BPTF: variants seen among roughly 807,000 people sequenced by gnomAD.
BPTF encodes nucleosome-remodeling factor subunit BPTF.
In BPTF, 18 loss-of-function variants were observed where a neutral mutation model predicts 292.5. The observed-to-expected ratio is 0.06, with a 90% CI of 0.04 to 0.09. The LOEUF (loss-of-function observed/expected upper bound fraction) is 0.09, where lower values mean the gene tolerates loss of function less well. Ranked by LOEUF, BPTF falls within the 10% of genes least tolerant of loss-of-function variation. BPTF has a pLI of 1.00. For missense variants in BPTF, 2,726 were observed against 3,498.7 expected, an observed-to-expected ratio of 0.78 and a Z score of 5.57; for synonymous variants, 1,225 against 1,251.9, an observed-to-expected ratio of 0.98 and a Z score of 0.45.
chr17:67,903,864 A>C lies in BPTF; in HGVS notation c.2619A>C (p.Glu873Asp). 6.3e-7 allele frequency: 1 copy of C among 1,593,482 alleles called. No individual in the cohort carries two copies. The highest frequency in any genetic ancestry group is 8.5e-7 in the Non-Finnish European group (1 of 1,174,402). The change falls in exon 8 of 28, where the codon GAA (glutamate) becomes GAC (aspartate). Residue 873 changes from glutamate to aspartate, a missense_variant. By Grantham distance (45) the Glu-to-Asp change is conservative (BLOSUM62 2). Around this residue, in one of 22 missense-constraint regions of BPTF, gnomAD observed 99 missense variants for 227.1 expected, o/e 0.44. Transcript: ENST00000306378. ...VKKKEKKQEE[E>D]ETMQQATWVK... is the part of the protein sequence containing the mutation. ...AAAAAGAGAAGAAACAGGAAGAAGA[A>C]GAAACGATGCAGCAAGCGACATGGG... is the stretch of plus-strand genomic sequence containing the variant.
At chr17:67,922,779 C>T in intron 13 of BPTF, 61 bp from the exon 14 acceptor site, 1 of 1,527,584 alleles carries the variant, frequency 6.5e-7, no homozygotes, top group East Asian at 2.3e-5. Flanking sequence ...ATAGAAGATG[C>T]CAGAAGTACT....
chr17:67,914,166 C>T (rs555066800), intron 11 of BPTF, among the ~76,000 whole-genome samples: 1 of 152,236 alleles, frequency 6.6e-6, no homozygotes, highest in African/African-American at 2.4e-5. Context: ...TTCATTTCCC[C>T]TTAGGCTTCG....
intron 1 of BPTF, 38 bp from the exon 2 acceptor site, chr17:67,853,902 T>C (rs754695790): frequency 3.7e-5 from 54 of 1,475,056 alleles, no homozygotes; most frequent in Non-Finnish European, 4.6e-5. Flanking sequence ...AATGATGTAA[T>C]GTATTGATTT....
At chr17:67,910,547 C>G (rs2146894491) in intron 10 of BPTF, among the ~76,000 whole-genome samples, 1 of 152,248 alleles carries the variant, frequency 6.6e-6, no homozygotes, top group African/African-American at 2.4e-5. Flanking sequence ...TGCCTGTAAT[C>G]TCAGCACTTT....
Position 67,854,680 on chromosome 17 carries a change from A to T in BPTF, c.1354A>T (p.Asn452Tyr), listed in dbSNP as rs2058589015. The change falls in exon 2 of 28, where the codon AAT becomes TAT. Residue 452 changes from asparagine to tyrosine, a missense_variant. By Grantham distance (143) the Asn-to-Tyr change is moderately radical (BLOSUM62 -2). This residue lies in a region of BPTF where 22 missense variants were observed against 97.3 expected (regional missense o/e 0.23). Transcript: ENST00000306378. The surrounding 1 kb of genome is among the most constrained non-coding windows in gnomAD (Gnocchi z 5.6). ...VTDCVAEIQK[N>Y]KPYIRHEPIG... ...TGACTGTGTTGCTGAAATCCAAAAA[A>T]ATAAACCATATATTCGACATGAACC... 6.2e-7 allele frequency: 1 copy of T among 1,614,144 alleles called. No individual in the cohort carries two copies. Among genetic ancestry groups the T allele is most frequent in the African/African-American group, 1.3e-5 (1 of 74,938 alleles).
chr17:67,939,795 G>A (rs774492090), intron 18 of BPTF, among the ~76,000 whole-genome samples: 7 of 152,182 alleles, frequency 4.6e-5, no homozygotes, highest in African/African-American at 1.7e-4. Context: ...CAGGAGAATC[G>A]CTTGAACCCA....
At chr17:67,870,766 CTTTTTTTTTTTTTTT>C (rs11418428) in intron 3 of BPTF, among the ~76,000 whole-genome samples, 1 of 106,394 alleles carries the variant, frequency 9.4e-6, no homozygotes, top group Non-Finnish European at 1.7e-5. Flanking sequence ...TGCTTCATTT[CTTTTTTTTTTTTTTT>C]TTTTTTGAGA....
chr17:67,939,743 G>A (rs1353475895), intron 18 of BPTF, among the ~76,000 whole-genome samples: 4 of 152,200 alleles, frequency 2.6e-5, no homozygotes, highest in African/African-American at 9.7e-5. Context: ...AGTCGGGTGT[G>A]GTGGGACATG....
chr17:67,827,054 A>T (rs2056138381), intron 1 of BPTF, among the ~76,000 whole-genome samples: 1 of 152,212 alleles, frequency 6.6e-6, no homozygotes, highest in African/African-American at 2.4e-5. Flanking sequence ...TTGGTTATTC[A>T]TCCGATTCAG....
intron 7 of BPTF, among the ~76,000 whole-genome samples, 172 bp downstream of exon 7, chr17:67,894,337 T>C (rs1469954046): frequency 4.1e-5 from 6 of 147,952 alleles, no homozygotes; most frequent in Non-Finnish European, 7.5e-5. Context: ...TAGTTCTTTC[T>C]TTTTTTTTTG....
chr17:67,940,616 A>G lies in BPTF; in HGVS notation c.6437A>G (p.Lys2146Arg). The change falls in exon 19 of 28, where the codon AAG (lysine) becomes AGG (arginine). Residue 2146 changes from lysine (K) to arginine (R), a missense_variant. Physicochemically the swap from Lys to Arg is conservative, Grantham distance 26. Transcript: ENST00000306378. ...CCTCGCCCCCAACAAGGACAAGTGA[A>G]GCTCACCATGGCTCAACTTACTCAG... ...QPPRPQQGQVKLTMAQLTQLT... is the reference protein window; with the variant it reads ...QPPRPQQGQVRLTMAQLTQLT... 2 of 1,614,226 alleles carry G rather than the reference A, an allele frequency of 1.2e-6. No individual in the cohort carries two copies. The highest frequency in any genetic ancestry group is 2.2e-5 in the East Asian group (1 of 44,886).
chr17:67,968,714 G>A (rs1455878741), intron 26 of BPTF, among the ~76,000 whole-genome samples: 1 of 151,122 alleles, frequency 6.6e-6, no homozygotes, highest in East Asian at 1.9e-4. Flanking sequence ...CGTGAACCCG[G>A]GAGGTGGAGC....
chr17:67,845,030 A>G (rs564568604), intron 1 of BPTF, among the ~76,000 whole-genome samples: 1 of 152,364 alleles, frequency 6.6e-6, no homozygotes, highest in African/African-American at 2.4e-5. Flanking sequence ...GGCATGAGCC[A>G]CTGCGCCCAG....
rs1325238177 is a variant in BPTF at position 67,850,237 on chromosome 17, G to A, written c.614-3703G>A. 2.6e-5 allele frequency among the ~76,000 whole-genome samples: 4 copies of A among 152,102 alleles called. No individual in the cohort carries two copies. The East Asian group carries it at 7.7e-4, about 29-fold the overall frequency. ...TTGGCAAACTTAAAAAATCCCTGTCGTTAAGGAGATTATATTCTAGTGGTG... is the reference window on the plus strand; with the variant it reads ...TTGGCAAACTTAAAAAATCCCTGTCATTAAGGAGATTATATTCTAGTGGTG... On this transcript the variant is annotated intron_variant, in intron 1 of 27. Coordinates refer to ENST00000306378, the MANE Select transcript of BPTF (RefSeq NM_182641.4).
rs148179750 is a variant in BPTF at position 67,964,467 on chromosome 17, T to G, written c.8454+63T>G. 357 of 1,504,112 alleles carry G rather than the reference T, an allele frequency of 2.4e-4. 1 individual carries two copies. The African/African-American group carries it at 4.1e-3, about 17-fold the overall frequency. The allele number at this position is 1,504,112 out of a possible 1,614,324, so 93.2% of individuals were successfully genotyped here. On this transcript the variant is annotated intron_variant, in intron 25 of 27. Coordinates refer to ENST00000306378, the MANE Select transcript of BPTF (RefSeq NM_182641.4). Reference sequence around the variant, plus strand: ...CAGCCAGCATAATTTTGGAAGCATTTCTAGGATTTCAAGTTTCCAATCTTA... The same window carrying G: ...CAGCCAGCATAATTTTGGAAGCATTGCTAGGATTTCAAGTTTCCAATCTTA...
chr17:67,842,837 A>G (rs1435796794), intron 1 of BPTF, among the ~76,000 whole-genome samples: 1 of 150,746 alleles, frequency 6.6e-6, no homozygotes, highest in Non-Finnish European at 1.5e-5. Flanking sequence ...AAAAAAAAAA[A>G]AAGACATTTC....
chr17:67,935,193 G>A (rs1427975611), intron 18 of BPTF, among the ~76,000 whole-genome samples: 1 of 152,160 alleles, frequency 6.6e-6, no homozygotes, highest in African/African-American at 2.4e-5. Context: ...GGAGACTAAG[G>A]CAGTCAGATC....
At chr17:67,876,432 G>GT (rs2060054486) in intron 4 of BPTF, among the ~76,000 whole-genome samples, 1 of 152,208 alleles carries the variant, frequency 6.6e-6, no homozygotes, top group South Asian at 2.1e-4. Flanking sequence ...AGATAGGGAT[G>GT]TAAGTGTAAG....
intron 18 of BPTF, among the ~76,000 whole-genome samples, chr17:67,937,245 C>T (rs1568119146): frequency 6.6e-6 from 1 of 151,936 alleles, no homozygotes; most frequent in Non-Finnish European, 1.5e-5. Flanking sequence ...CGCCTGAGGT[C>T]AGGAGTTCAA....
Sources: allele counts gnomAD v4.1 joint callset (sites outside exome capture counted in the v4.1 genomes callset), GRCh38; gene constraint gnomAD v4.1.1; regional missense constraint gnomAD v4.1.1; non-coding constraint Gnocchi (gnomAD v3.1); transcripts MANE v1.5; gene names NCBI Gene and HGNC (gene_info 2026-07-23, HGNC 2026-07-21).